NPAS3: variants seen among roughly 807,000 people sequenced by gnomAD.
The protein encoded by NPAS3 is neuronal PAS domain protein 3, also known as neuronal PAS domain-containing protein 3.
A neutral mutation model predicts 73.1 loss-of-function variants in NPAS3; 14 were observed. That is an observed-to-expected ratio of 0.19 (90% CI 0.13 to 0.30). The LOEUF (loss-of-function observed/expected upper bound fraction) is 0.30, where lower values mean the gene tolerates loss of function less well. Ranked by LOEUF, NPAS3 falls within the 10% of genes least tolerant of loss-of-function variation. The probability of loss-of-function intolerance (pLI) is 1.00; values close to 1 mark genes in which losing one functional copy is unlikely to be tolerated. For synonymous variants in NPAS3, 620 were observed against 541.5 expected (o/e 1.14, Z -2.01); for missense variants, 1,096 against 1,250.0 (o/e 0.88, Z 1.86).
intron 1 of NPAS3, among the ~76,000 whole-genome samples, chr14:33,033,468 G>A (rs1027896013): frequency 5.3e-5 from 8 of 151,996 alleles, no homozygotes; most frequent in African/African-American, 1.9e-4. Flanking sequence ...AACAGAGTGA[G>A]ACCCTAACTC....
chr14:33,750,321 G>T (rs1267209075), intron 7 of NPAS3, among the ~76,000 whole-genome samples: 1 of 151,778 alleles, frequency 6.6e-6, no homozygotes, highest in Admixed American at 6.6e-5. Context: ...CATCAAAAAT[G>T]AGGTGATATT....
At position 33,438,092 on chromosome 14, in the gene NPAS3, G is replaced by A. The variant is rs144296751; in HGVS notation, c.468+70824G>A. Among the ~76,000 whole-genome samples the A allele has an allele frequency of 4.6e-5, 7 of 152,274 alleles. No individual in the cohort carries two copies. The East Asian group carries it at 1.3e-3, about 29-fold the overall frequency. ...AATAATATATGTATGTCAGTCAAAT[G>A]AAGATAGAAATTTTCTTGATATTTA... is the stretch of plus-strand genomic sequence containing the variant. On this transcript the variant is annotated intron_variant, in intron 4 of 11. Coordinates refer to ENST00000356141, the Ensembl canonical transcript of NPAS3.
chr14:33,465,597 A>G (rs988529539), intron 4 of NPAS3, among the ~76,000 whole-genome samples: 5 of 152,160 alleles, frequency 3.3e-5, no homozygotes, highest in Non-Finnish European at 7.4e-5. Flanking sequence ...GCCCTGTTTT[A>G]TAAGTGCAGA....
intron 2 of NPAS3, among the ~76,000 whole-genome samples, chr14:33,210,164 T>G (rs1288444088): frequency 1.3e-5 from 2 of 152,172 alleles, no homozygotes; most frequent in African/African-American, 4.8e-5. Context: ...CAAAGCTAAA[T>G]TTGATCAACC....
intron 3 of NPAS3, among the ~76,000 whole-genome samples, chr14:33,348,561 G>T (rs555909629): frequency 2.0e-5 from 3 of 152,276 alleles, no homozygotes; most frequent in Non-Finnish European, 2.9e-5. Context: ...AGAGTGAATT[G>T]TCCAGGACAA....
chr14:33,238,295 A>G (rs2048106900), intron 3 of NPAS3, among the ~76,000 whole-genome samples: 1 of 152,042 alleles, frequency 6.6e-6, no homozygotes, highest in Admixed American at 6.6e-5. Context: ...GTTAATATGC[A>G]TGTAAATGGA....
intron 3 of NPAS3, among the ~76,000 whole-genome samples, chr14:33,286,496 A>G (rs781206342): frequency 2.0e-5 from 3 of 152,162 alleles, no homozygotes; most frequent in Non-Finnish European, 4.4e-5. Flanking sequence ...AATGCTTTCT[A>G]TTGAAAGGAC....
At chr14:33,301,430 C>T (rs76937300) in intron 3 of NPAS3, among the ~76,000 whole-genome samples, 2 of 150,410 alleles carry the variant, frequency 1.3e-5, no homozygotes, top group Non-Finnish European at 3.0e-5. Context: ...GAAAAAGTTA[C>T]TTGTTTGTGG....
chr14:33,743,637 A>G (rs1389927436), intron 7 of NPAS3, among the ~76,000 whole-genome samples: 2 of 152,208 alleles, frequency 1.3e-5, no homozygotes, highest in Non-Finnish European at 2.9e-5. Flanking sequence ...AAATCCACCT[A>G]TCCTTTAAAG....
intron 2 of NPAS3, among the ~76,000 whole-genome samples, chr14:33,067,577 C>T (rs2041323625): frequency 6.6e-6 from 1 of 152,252 alleles, no homozygotes; most frequent in Non-Finnish European, 1.5e-5. Context: ...CTTGTAAGCA[C>T]TCCCATGAGC....
chr14:33,244,562 C>G (rs1168708279), intron 3 of NPAS3, among the ~76,000 whole-genome samples: 2 of 151,360 alleles, frequency 1.3e-5, no homozygotes, highest in Non-Finnish European at 2.9e-5. Context: ...AGCTTGCTTT[C>G]TTTTAATTTT....
intron 6 of NPAS3, among the ~76,000 whole-genome samples, chr14:33,722,385 T>C (rs2061139244): frequency 6.6e-6 from 1 of 152,202 alleles, no homozygotes; most frequent in African/African-American, 2.4e-5. Flanking sequence ...AGGGCAAGAA[T>C]AACTGCAAGC....
intron 2 of NPAS3, among the ~76,000 whole-genome samples, chr14:33,116,695 TG>T (rs551503745): frequency 1.2e-3 from 190 of 152,240 alleles, no homozygotes; most frequent in African/African-American, 4.3e-3. Flanking sequence ...GCTTCTAGAA[TG>T]GCAGAATCAC....
intron 1 of NPAS3, among the ~76,000 whole-genome samples, chr14:32,972,122 T>C (rs1432222911): frequency 4.0e-5 from 6 of 151,778 alleles, no homozygotes; most frequent in Non-Finnish European, 8.8e-5. Context: ...GTATTTTTAG[T>C]GGAGACAGAG....
At chr14:33,159,804 C>T (rs1286475192) in intron 2 of NPAS3, among the ~76,000 whole-genome samples, 4 of 152,060 alleles carry the variant, frequency 2.6e-5, no homozygotes, top group African/African-American at 9.7e-5. Context: ...CCACCTGCCT[C>T]GGCCTCCCAA....
rs1226225610 is a variant in NPAS3, at chr14:33,544,831, GTA to G, written c.469-15280_469-15279del. On this transcript the variant is annotated intron_variant, in intron 4 of 11. Transcript: ENST00000356141. ...ATATATGTATATATAATATATATGT[GTA>G]TATATATATTATATATATGTGTATA... 1.5e-4 allele frequency among the ~76,000 whole-genome samples: 12 copies of G among 81,104 alleles called. 1 individual carries two copies. The highest frequency in any genetic ancestry group is 5.5e-4 in the African/African-American group (8 of 14,596). 53.2% of individuals were successfully genotyped at this position (81,104 alleles called of 152,430 possible). A position where few individuals can be genotyped will look rare whatever the true frequency, so the allele number is the denominator to read the frequency against.
At chr14:33,036,332 G>A (rs1386793226) in intron 1 of NPAS3, among the ~76,000 whole-genome samples, 7 of 152,116 alleles carry the variant, frequency 4.6e-5, no homozygotes, top group African/African-American at 1.4e-4. Flanking sequence ...AGAACAAGGT[G>A]CTTGCAGAGA....
intron 2 of NPAS3, among the ~76,000 whole-genome samples, chr14:33,179,562 A>C (rs1041533386): frequency 6.6e-6 from 1 of 152,206 alleles, no homozygotes; most frequent in Non-Finnish European, 1.5e-5. Context: ...TAAATTGTAA[A>C]GCAAGGGGTT....
rs957367087 is a variant in NPAS3 at position 33,768,715 on chromosome 14, C to T, written c.853-5622C>T. ...TACCCTCACCAAGCTAGAAGACTTG[C>T]CAAAGTTACCAGAACCAGGACTGAA... On this transcript the variant is annotated intron_variant, in intron 7 of 11. Transcript: ENST00000356141. 2.6e-5 allele frequency among the ~76,000 whole-genome samples: 4 copies of T among 152,150 alleles called. No individual in the cohort carries two copies. In the East Asian group the frequency reaches 7.7e-4, roughly 29 times the overall value.
Sources: allele counts gnomAD v4.1 joint callset (sites outside exome capture counted in the v4.1 genomes callset), GRCh38; gene constraint gnomAD v4.1.1; transcripts MANE v1.5; gene names NCBI Gene and HGNC (gene_info 2026-07-23, HGNC 2026-07-21).